Variants in CNBD1 observed in about 807,000 individuals in gnomAD.
The protein encoded by CNBD1 is cyclic nucleotide-binding domain-containing protein 1.
Under a neutral mutation model 54.4 loss-of-function variants are expected in CNBD1, and 71 were observed. That is an observed-to-expected ratio of 1.30 (90% confidence interval 1.08 to 1.59). The LOEUF is 1.59. Ranked by LOEUF, CNBD1 falls within the 40% of genes most tolerant of loss-of-function variation. The probability of loss-of-function intolerance (pLI) is 0.00; values close to 1 mark genes in which losing one functional copy is unlikely to be tolerated. For missense variants in CNBD1, 659 were observed against 518.0 expected, an observed-to-expected ratio of 1.27 and a Z score of -2.64; for synonymous variants, 182 against 170.7, an observed-to-expected ratio of 1.07 and a Z score of -0.51.
At chr8:87,412,880 C>T (rs199620823) in intron 2 of CNBD1, among the ~76,000 whole-genome samples, 5 of 151,856 alleles carry the variant, frequency 3.3e-5, no homozygotes, top group South Asian at 4.2e-4. Context: ...GGTAAACATG[C>T]GAAAAGAAGG....
chr8:87,051,590 C>T (rs1226378880), intron 4 of CNBD1, among the ~76,000 whole-genome samples: 1 of 152,172 alleles, frequency 6.6e-6, no homozygotes, highest in Non-Finnish European at 1.5e-5. Context: ...TAAAAATATT[C>T]CTTATGGGAA....
In CNBD1 at chr8:86,974,458, A is replaced by G. The variant is rs116395776; in HGVS notation, c.431+34704A>G. Among the ~76,000 whole-genome samples the G allele has an allele frequency of 3.4e-3, 512 of 152,210 alleles. 1 individual carries two copies. Among genetic ancestry groups the G allele is most frequent in the African/African-American group, 0.012 (488 of 41,582 alleles). On this transcript the variant is annotated intron_variant, in intron 4 of 10. Transcript: ENST00000518476. ...CTATACAATACTTGTGCATATATGT[A>G]CCAAGAGACACAAGATTATTCACAA...
chr8:87,229,111 C>G (rs951574189), intron 5 of CNBD1, among the ~76,000 whole-genome samples: 4 of 152,174 alleles, frequency 2.6e-5, no homozygotes, highest in Non-Finnish European at 5.9e-5. Flanking sequence ...CTTTGGCTCG[C>G]ACATGGTGCG....
At chr8:87,428,575 C>T (rs757634603) in exon 3 of CNBD1, 3 of 454,804 alleles carry the variant, frequency 6.6e-6, no homozygotes, top group South Asian at 1.6e-5. Context: ...GCAACTTATG[C>T]TCCAAACAGC....
chr8:87,410,489 G>T (rs992762599), intron 2 of CNBD1, among the ~76,000 whole-genome samples: 1 of 152,138 alleles, frequency 6.6e-6, no homozygotes, highest in Non-Finnish European at 1.5e-5. Context: ...AAATTTGAAT[G>T]CATGAGGTGA....
At chr8:86,921,858 T>A (rs1277474274) in intron 3 of CNBD1, among the ~76,000 whole-genome samples, 1 of 152,124 alleles carries the variant, frequency 6.6e-6, no homozygotes, top group Admixed American at 6.5e-5. Context: ...ACCAACTGTG[T>A]GCTAAGTGCA....
rs545402209 is a variant in CNBD1, at chr8:87,234,831, A to G, written c.578-2088A>G. 3.9e-5 allele frequency among the ~76,000 whole-genome samples: 6 copies of G among 152,270 alleles called. No homozygotes were observed. The South Asian group carries it at 1.2e-3, about 32-fold the overall frequency. On this transcript the variant is annotated intron_variant, in intron 5 of 10. Transcript: ENST00000518476. ...ACCTCTCCTTTGAAACTTTGAAACC[A>G]GGAATTGACTTCTTCTCTCTTTTAG...
intron 10 of CNBD1, among the ~76,000 whole-genome samples, chr8:87,364,470 TTTTTA>T (rs142528057): frequency 2.0e-5 from 3 of 149,382 alleles, no homozygotes; most frequent in African/African-American, 4.9e-5. Flanking sequence ...CCAATTTGTC[TTTTTA>T]TTTTATTTTT....
intron 4 of CNBD1, among the ~76,000 whole-genome samples, chr8:87,060,392 G>A (rs1375231992): frequency 6.6e-6 from 1 of 152,124 alleles, no homozygotes. Context: ...TACAAGTATT[G>A]GTGCATGGAC....
chr8:87,220,921 C>A (rs1199009346), intron 5 of CNBD1, among the ~76,000 whole-genome samples: 1 of 151,998 alleles, frequency 6.6e-6, no homozygotes, highest in Non-Finnish European at 1.5e-5. Flanking sequence ...CATGAGAATG[C>A]CACTATTGCT....
intron 8 of CNBD1, among the ~76,000 whole-genome samples, chr8:87,320,110 G>C (rs989333295): frequency 3.9e-5 from 6 of 152,020 alleles, no homozygotes; most frequent in African/African-American, 1.2e-4. Context: ...ATGACATTGT[G>C]ATAGATGTTC....
chr8:87,101,114 T>C (rs537828238), intron 4 of CNBD1, among the ~76,000 whole-genome samples: 1 of 152,330 alleles, frequency 6.6e-6, no homozygotes, highest in East Asian at 1.9e-4. Context: ...GAATCTACAA[T>C]ATTTCTAACA....
intron 8 of CNBD1, among the ~76,000 whole-genome samples, chr8:87,329,358 T>G (rs1809765060): frequency 1.3e-5 from 2 of 152,198 alleles, no homozygotes; most frequent in Admixed American, 1.3e-4. Context: ...AACTTTGTTC[T>G]TCTTCAATAT....
rs1286444502 is a variant in CNBD1, at chr8:87,422,536, T to G, written c.214-6010T>G. ...CACCATTTATTAAATAGGGAATCCT[T>G]TCCCCATTGCTTGTTTTTCTCAGGT... On this transcript the variant is annotated intron_variant, in intron 2 of 7. Coordinates refer to the CNBD1 transcript ENST00000521593. Among the ~76,000 whole-genome samples, 3 of 152,096 alleles carry G rather than the reference T, an allele frequency of 2.0e-5. No individual in the cohort carries two copies. In the East Asian group the frequency reaches 5.8e-4, roughly 29 times the overall value.
rs140341013 is a variant in CNBD1, at chr8:87,097,741, G to A, written c.432-108252G>A. Among the ~76,000 whole-genome samples the A allele has an allele frequency of 3.7e-3, 570 of 152,196 alleles. 4 individuals are homozygous for A. Among genetic ancestry groups the A allele is most frequent in the Non-Finnish European group, 4.5e-3 (309 of 68,014 alleles). ...GTAACTGGCATTTGATTGTGCCTTG[G>A]CTCAAACTTTCCTCCTTAGTGCCCC... On this transcript the variant is annotated intron_variant, in intron 4 of 10. Transcript: ENST00000518476.
intron 9 of CNBD1, 135 bp downstream of exon 9, chr8:87,351,929 GTGTT>G (rs955779337): frequency 9.6e-5 from 90 of 937,648 alleles, no homozygotes; most frequent in African/African-American, 8.5e-4. Context: ...TGAAATTTTT[GTGTT>G]TGTTTTTGGT....
At chr8:87,193,704 C>T (rs970352452) in intron 4 of CNBD1, among the ~76,000 whole-genome samples, 3 of 151,936 alleles carry the variant, frequency 2.0e-5, no homozygotes, top group African/African-American at 7.3e-5. Flanking sequence ...TATTTGTCTG[C>T]GTAAGAACAG....
At chr8:87,248,963 C>T (rs1807860742) in intron 6 of CNBD1, among the ~76,000 whole-genome samples, 1 of 152,116 alleles carries the variant, frequency 6.6e-6, no homozygotes, top group Admixed American at 6.6e-5. Context: ...CCACCAGATG[C>T]AACTATACAA....
chr8:87,005,994 A>G (rs1290372962), intron 4 of CNBD1, among the ~76,000 whole-genome samples: 1 of 152,192 alleles, frequency 6.6e-6, no homozygotes, highest in East Asian at 1.9e-4. Flanking sequence ...TTATGGTTGC[A>G]AGTTTTCTAG....
Sources: gnomAD v4.1 joint callset for allele counts (sites outside exome capture counted in the v4.1 genomes callset) on GRCh38, gnomAD v4.1.1 for gene constraint, MANE v1.5 for transcripts, NCBI Gene and HGNC (gene_info 2026-07-23, HGNC 2026-07-21) for gene names.